Variants in ASMT observed in about 807,000 individuals in gnomAD.
The protein encoded by ASMT is acetylserotonin N-methyltransferase.
In ASMT, 53 loss-of-function variants were observed where a neutral mutation model predicts 41.3. The observed-to-expected ratio is 1.28, with a 90% CI of 1.03 to 1.61. ASMT has a LOEUF of 1.61. Ranked by LOEUF, ASMT falls within the 40% of genes most tolerant of loss-of-function variation. The pLI is 0.00. For missense variants in ASMT, 531 were observed against 441.3 expected (o/e 1.20, Z -1.82); for synonymous variants, 231 against 184.8 (o/e 1.25, Z -2.03).
intron 1 of ASMT, among the ~76,000 whole-genome samples, chrX:1,616,929 C>G (rs372185854): frequency 1.3e-5 from 2 of 151,824 alleles, no homozygotes; most frequent in Non-Finnish European, 2.9e-5. Flanking sequence ...AGGATGGTCT[C>G]GATCTCCTGA....
intron 5 of ASMT, among the ~76,000 whole-genome samples, chrX:1,630,965 C>G (rs1405937623): frequency 6.8e-6 from 1 of 147,036 alleles, no homozygotes; most frequent in African/African-American, 2.5e-5. Flanking sequence ...GGCTGGAATG[C>G]AGTGGTGCAA....
chrX:1,629,312 G>C (rs5949025), intron 4 of ASMT, among the ~76,000 whole-genome samples: 27,547 of 151,666 alleles, frequency 0.18, 2,539 homozygotes, highest in East Asian at 0.44. Flanking sequence ...GACAGGAGGA[G>C]AGAGGGAGCT....
chrX:1,635,227 G>T (rs192129487), intron 7 of ASMT, among the ~76,000 whole-genome samples: 16 of 139,736 alleles, frequency 1.1e-4, no homozygotes, highest in Non-Finnish European at 2.0e-4. Context: ...CTCGTGATCT[G>T]CCCCGCTCAG....
At chrX:1,623,069 T>G in intron 1 of ASMT, 70 bp from the exon 2 acceptor site, 2 of 1,488,052 alleles carry the variant, frequency 1.3e-6, no homozygotes, top group Non-Finnish European at 1.9e-6. Context: ...TGCCATGGTA[T>G]GGGGTGTTTC....
chrX:1,641,877 G>C (rs1455668256), intron 8 of ASMT, among the ~76,000 whole-genome samples: 1 of 142,438 alleles, frequency 7.0e-6, no homozygotes, highest in African/African-American at 2.6e-5. Context: ...CAGTGTCCCA[G>C]TGTCCTGTGA....
At chrX:1,636,331 C>G (rs1934961172) in intron 7 of ASMT, 107 bp from the exon 8 acceptor site, 7 of 1,533,066 alleles carry the variant, frequency 4.6e-6, no homozygotes, top group South Asian at 1.1e-5. Flanking sequence ...GCCTGGAAGA[C>G]CTGGGAAAGG....
intron 3 of ASMT, among the ~76,000 whole-genome samples, chrX:1,626,984 G>C (rs1208115269): frequency 2.7e-5 from 4 of 150,420 alleles, no homozygotes; most frequent in Non-Finnish European, 5.9e-5. Flanking sequence ...AGCCAAGATC[G>C]CGCCATTGCA....
chrX:1,625,660 G>T (rs1386963608), intron 3 of ASMT, among the ~76,000 whole-genome samples: 1 of 151,892 alleles, frequency 6.6e-6, no homozygotes, highest in Non-Finnish European at 1.5e-5. Context: ...TCAATAGAAA[G>T]GAGTGTCTGG....
chrX:1,615,465 G>C (rs1934048607), intron 1 of ASMT, among the ~76,000 whole-genome samples, 197 bp downstream of exon 1: 1 of 151,992 alleles, frequency 6.6e-6, no homozygotes, highest in African/African-American at 2.4e-5. Flanking sequence ...GGGACAGCTT[G>C]GTTTGATACA....
chrX:1,642,998 T>G lies in ASMT; in HGVS notation c.1106T>G (p.Ile369Ser). ...FKKTGAIYDAILARK is the reference protein window; with the variant it reads ...FKKTGAIYDASLARK ...AAAACAGGAGCCATTTATGATGCCA[T>G]TTTAGCCAGGAAATAACTGTTTCTT... is the stretch of plus-strand genomic sequence containing the variant. The change falls in exon 9 of 9, where the codon ATT (isoleucine) becomes AGT (serine). Residue 369 changes from isoleucine to serine, a missense_variant. Coordinates refer to ENST00000381241, the MANE Select transcript of ASMT (RefSeq NM_001171038.2). 1 of 1,613,934 alleles carries G rather than the reference T, an allele frequency of 6.2e-7. No homozygotes were observed. The highest frequency in any genetic ancestry group is 1.1e-5 in the South Asian group (1 of 91,070).
chrX:1,629,913 T>G lies in ASMT; in HGVS notation c.536T>G (p.Val179Gly), dbSNP rs1215166326. 1.9e-6 allele frequency: 3 copies of G among 1,613,976 alleles called. No homozygotes were observed. The East Asian group carries it at 6.7e-5, about 36-fold the overall frequency. ...RSVLTAFDLS[V>G]FPLMCDLGGT... ...GTGCTGACCGCCTTTGACCTGTCAG[T>G]GTTCCCACTTATGTGTGACCTTGGT... Residue 179 changes from valine (V) to glycine (G), a missense_variant, in exon 5 of 9, where the codon GTG becomes GGG. Val to Gly is a moderately radical substitution (Grantham distance 109, BLOSUM62 -3). Coordinates refer to ENST00000381241, the MANE Select transcript of ASMT (RefSeq NM_001171038.2).
At position 1,615,243 on chromosome X, in the gene ASMT, A is replaced by T; in HGVS notation, c.44A>T (p.Tyr15Phe). The change falls in exon 1 of 9, where the codon TAC (tyrosine) becomes TTC (phenylalanine). Residue 15 changes from tyrosine to phenylalanine, a missense_variant. Physicochemically the swap from Tyr to Phe is conservative, Grantham distance 22. Transcript: ENST00000381241. ...EDQAYRLLND[Y>F]ANGFMVSQVL... ...CAGGCCTATCGCCTCCTTAATGACT[A>T]CGCCAACGGCTTCATGGTGTCCCAG... is the stretch of plus-strand genomic sequence containing the variant. 2 of 1,597,876 alleles carry T rather than the reference A, an allele frequency of 1.3e-6. No homozygotes were observed. The highest frequency in any genetic ancestry group is 1.7e-6 in the Non-Finnish European group (2 of 1,172,258).
chrX:1,627,754 T>C lies in ASMT; in HGVS notation c.426T>C (p.Leu142=). The change falls in exon 4 of 9, where the codon CTT becomes CTC. Residue 142 remains leucine, a synonymous_variant. Transcript: ENST00000381241. ...LETFGVPAEE[L]FTAIYRSEGE... ...CGTTTGGCGTTCCCGCTGAAGAGCT[T>C]TTTACGGCCATCTACAGGTAACACC... The C allele has an allele frequency of 6.2e-7, 1 of 1,613,934 alleles. No individual in the cohort carries two copies. Among genetic ancestry groups the C allele is most frequent in the Non-Finnish European group, 8.5e-7 (1 of 1,179,836 alleles).
At position 1,630,078 on chromosome X, in the gene ASMT, C is replaced by G. The variant is rs1212178628; in HGVS notation, c.562+139C>G. 5 of 829,066 alleles carry G rather than the reference C, an allele frequency of 6.0e-6. No individual in the cohort carries two copies. In the Admixed American group the frequency reaches 9.1e-5, roughly 15 times the overall value. 51.4% of individuals were successfully genotyped at this position (829,066 alleles called of 1,614,324 possible). On this transcript the variant is annotated intron_variant, in intron 5 of 8. Transcript: ENST00000381241. Reference sequence around the variant, plus strand: ...ACTGGTCTTAGAGGAATCATTCCTCCCAGCACTGGGCACTTCCTAGAGTCA... The same window carrying G: ...ACTGGTCTTAGAGGAATCATTCCTCGCAGCACTGGGCACTTCCTAGAGTCA...
chrX:1,617,336 G>A, intron 1 of ASMT, among the ~76,000 whole-genome samples: 1 of 151,646 alleles, frequency 6.6e-6, no homozygotes. Flanking sequence ...CAGGCATGAT[G>A]GTGGGCACCT....
rs190468557 is a variant in ASMT at position 1,624,403 on chromosome X, G to T, written c.374+5G>T. On this transcript the variant is annotated splice_donor_5th_base_variant and intron_variant, in intron 3 of 8. Transcript: ENST00000381241. ...CCACCTGGCAGACGCCGTGAGGTGGGGGCTGCCCCCAGGCAGATGCTGGGA... is the reference window on the plus strand; with the variant it reads ...CCACCTGGCAGACGCCGTGAGGTGGTGGCTGCCCCCAGGCAGATGCTGGGA... The T allele has an allele frequency of 6.0e-3, 9,733 of 1,611,454 alleles. 364 individuals carry two copies. The East Asian group carries it at 0.1, about 17-fold the overall frequency.
chrX:1,632,921 C>T (rs1347983890), intron 6 of ASMT, 134 bp downstream of exon 6: 6 of 625,874 alleles, frequency 9.6e-6, no homozygotes, highest in Admixed American at 2.7e-5. Context: ...AATGACGAGT[C>T]GATGGGTGCA....
In ASMT at chrX:1,615,306, C is replaced by A. The variant is rs752753336; in HGVS notation, c.69+38C>A. ...CTGTGGGACAAGGGGGAATAGACTT[C>A]CGTTCATCACACTCACGTTCCATTG... On this transcript the variant is annotated intron_variant, in intron 1 of 8. Transcript: ENST00000381241. The A allele has an allele frequency of 2.0e-5, 30 of 1,520,060 alleles. No homozygotes were observed. In the Admixed American group the frequency reaches 2.9e-4, roughly 15 times the overall value. 94.2% of individuals were successfully genotyped at this position (1,520,060 alleles called of 1,614,324 possible).
Position 1,633,304 on chromosome X carries a change from C to T in ASMT, c.787+14C>T, listed in dbSNP as rs376761724. 91 of 1,613,620 alleles carry T rather than the reference C, an allele frequency of 5.6e-5. 1 individual carries two copies. In the African/African-American group the frequency reaches 7.9e-4, roughly 14 times the overall value. ...ACTTCCAGGAAGGTGTGTTTGTGTC[C>T]GTGGGGAAGCAGAGATGTGTCTCAC... On this transcript the variant is annotated intron_variant, in intron 7 of 8. Transcript: ENST00000381241.
Sources: gnomAD v4.1 joint callset for allele counts (sites outside exome capture counted in the v4.1 genomes callset) on GRCh38, gnomAD v4.1.1 for gene constraint, MANE v1.5 for transcripts, NCBI Gene and HGNC (gene_info 2026-07-23, HGNC 2026-07-21) for gene names.